Variants in ADGRE1 observed in about 807,000 individuals in gnomAD.
The protein encoded by ADGRE1 is adhesion G protein-coupled receptor E1.
ADGRE1 carries 82 observed loss-of-function variants against 102.7 expected under a neutral mutation model. That is an observed-to-expected ratio of 0.80 (90% CI 0.67 to 0.96). The LOEUF (loss-of-function observed/expected upper bound fraction) is 0.96, where lower values mean the gene tolerates loss of function less well. ADGRE1 is among the 40% of genes least tolerant of loss of function. The probability of loss-of-function intolerance (pLI) is 0.00; values close to 1 mark genes in which losing one functional copy is unlikely to be tolerated. For synonymous variants in ADGRE1, 398 were observed against 399.6 expected (o/e 1.00, Z 0.05); for missense variants, 1,032 against 1,085.3 (o/e 0.95, Z 0.69).
Position 6,919,607 on chromosome 19 carries a change from T to C in ADGRE1, c.1480T>C (p.Phe494Leu). Residue 494 changes from phenylalanine to leucine, a missense_variant, in exon 13 of 21, where the codon TTC (phenylalanine) becomes CTC (leucine). Transcript: ENST00000312053. ...CATGGAATCGGTTTTAAATGAGCGC[T>C]TCTTCAAAGACCACCAGGCTCCCTT... ...VGMESVLNER[F>L]FKDHQAPLTT... 1 of 1,613,580 alleles carries C rather than the reference T, an allele frequency of 6.2e-7. No individual in the cohort carries two copies. The highest frequency in any genetic ancestry group is 8.5e-7 in the Non-Finnish European group (1 of 1,179,930).
intron 17 of ADGRE1, among the ~76,000 whole-genome samples, chr19:6,934,201 T>C (rs1029911664): frequency 1.3e-5 from 2 of 152,114 alleles, no homozygotes; most frequent in African/African-American, 4.8e-5. Context: ...ATGGGCAAGC[T>C]GTAGGTGGCT....
intron 17 of ADGRE1, among the ~76,000 whole-genome samples, chr19:6,929,441 G>T (rs1301016923): frequency 6.6e-6 from 1 of 152,064 alleles, no homozygotes; most frequent in African/African-American, 2.4e-5. Flanking sequence ...ATGCAAATGG[G>T]GTCTTTACTT....
chr19:6,939,447 T>G (rs892565672), intron 20 of ADGRE1, among the ~76,000 whole-genome samples: 1 of 152,132 alleles, frequency 6.6e-6, no homozygotes, highest in African/African-American at 2.4e-5. Flanking sequence ...GAATTAGGTG[T>G]TGCGAATATT....
rs1472866369 is a variant in ADGRE1, at chr19:6,897,529, A to G, written c.496A>G (p.Arg166Gly). 1 of 1,576,596 alleles carries G rather than the reference A, an allele frequency of 6.3e-7. No homozygotes were observed. Among genetic ancestry groups the G allele is most frequent in the Non-Finnish European group, 8.6e-7 (1 of 1,166,590 alleles). ...CAGCTGTCAAGTTGGATTCATCTCT[A>G]GAAACTCCACCTGTGAAGGTATCCA... ...SCSCQVGFIS[R>G]NSTCEDVDEC... is the part of the protein sequence containing the mutation. Residue 166 changes from arginine (R) to glycine (G), a missense_variant, in exon 5 of 21, where the codon AGA (arginine) becomes GGA (glycine). Transcript: ENST00000312053.
chr19:6,931,991 A>G (rs919860200), intron 17 of ADGRE1, among the ~76,000 whole-genome samples: 1 of 152,174 alleles, frequency 6.6e-6, no homozygotes, highest in Non-Finnish European at 1.5e-5. Context: ...CATAAATTAG[A>G]CAGCAGTAAT....
chr19:6,904,662 C>T (rs370189635), intron 8 of ADGRE1, among the ~76,000 whole-genome samples: 14 of 152,032 alleles, frequency 9.2e-5, no homozygotes, highest in African/African-American at 3.1e-4. Context: ...CCCGCCACCA[C>T]GCCTGGCTAA....
intron 10 of ADGRE1, among the ~76,000 whole-genome samples, chr19:6,910,606 C>G (rs1408276428): frequency 7.9e-6 from 1 of 126,998 alleles, no homozygotes; most frequent in Non-Finnish European, 1.6e-5. Flanking sequence ...GAGTCTTGCT[C>G]TGTTGCCCAG....
chr19:6,938,258 A>G (rs1975513724), intron 20 of ADGRE1, among the ~76,000 whole-genome samples: 1 of 151,930 alleles, frequency 6.6e-6, no homozygotes, highest in African/African-American at 2.4e-5. Context: ...AATTGCTTGA[A>G]CCCAAGAGGC....
At chr19:6,903,630 A>G (rs1973847008) in intron 6 of ADGRE1, among the ~76,000 whole-genome samples, 180 bp from the exon 7 acceptor site, 1 of 152,170 alleles carries the variant, frequency 6.6e-6, no homozygotes, top group Admixed American at 6.5e-5. Context: ...CATGGCTCTC[A>G]TATTCCATGA....
Position 6,913,749 on chromosome 19 carries a change from G to A in ADGRE1, c.1219G>A (p.Glu407Lys). The change falls in exon 11 of 21, where the codon GAG becomes AAG. Residue 407 changes from glutamate to lysine, a missense_variant. Coordinates refer to ENST00000312053, the MANE Select transcript of ADGRE1 (RefSeq NM_001974.5). ...ETSSLATVFL[E>K]SVESMTLASF... ...GTCCTCCCTGGCCACAGTCTTCCTG[G>A]AGAGTGTGGAAAGCATGACACTGGC... 2 of 1,613,180 alleles carry A rather than the reference G, an allele frequency of 1.2e-6. No homozygotes were observed. The highest frequency in any genetic ancestry group is 1.7e-6 in the Non-Finnish European group (2 of 1,179,554).
intron 17 of ADGRE1, chr19:6,928,509 C>T (rs1975014166): frequency 2.1e-6 from 1 of 486,610 alleles, no homozygotes; most frequent in South Asian, 2.5e-5. Context: ...CACTTGTAAT[C>T]CCAGCTACTT....
chr19:6,912,138 A>G (rs1974224653), intron 10 of ADGRE1, among the ~76,000 whole-genome samples: 1 of 152,068 alleles, frequency 6.6e-6, no homozygotes, highest in Non-Finnish European at 1.5e-5. Context: ...ACATACATAC[A>G]TAGGCATACA....
intron 17 of ADGRE1, among the ~76,000 whole-genome samples, chr19:6,932,744 G>A (rs7250042): frequency 0.22 from 32,774 of 151,990 alleles, 3,783 homozygotes; most frequent in Non-Finnish European, 0.24. Flanking sequence ...CTGCCTGCTC[G>A]GCCCTCTGGC....
In ADGRE1 at chr19:6,913,827, TTAGG is replaced by T. The variant is rs1215739325; in HGVS notation, c.1300+2_1300+5del. The T allele has an allele frequency of 1.9e-6, 3 of 1,588,604 alleles. No individual in the cohort carries two copies. In the African/African-American group the frequency reaches 4.0e-5, roughly 21 times the overall value. On this transcript the variant is annotated splice_donor_variant and coding_sequence_variant, in exon 11 of 21. Coordinates refer to ENST00000312053, the MANE Select transcript of ADGRE1 (RefSeq NM_001974.5). LOFTEE classifies it high-confidence loss of function. ...CACTCCGGCTGTTCGGACGGAATAC[TTAGG>T]TAGGAGACACCCTTTGTGGCAAGGT...
rs889199868 is a variant in ADGRE1, at chr19:6,925,113, TTTTG to T, written c.1986+261_1986+264del. Among the ~76,000 whole-genome samples the T allele has an allele frequency of 3.1e-3, 476 of 152,142 alleles. 1 individual carries two copies. Among genetic ancestry groups the T allele is most frequent in the African/African-American group, 9.9e-3 (412 of 41,532 alleles). ...TATAGTGGTTCCTCCTATTACTTGT[TTTTG>T]TTTGTTTGTTTGTTTGTTTTTGATA... On this transcript the variant is annotated intron_variant, in intron 15 of 20. Coordinates refer to ENST00000312053, the MANE Select transcript of ADGRE1 (RefSeq NM_001974.5).
rs1246126943 is a variant in ADGRE1 at position 6,940,354 on chromosome 19, G to T, written c.*325G>T. On this transcript the variant is annotated 3_prime_UTR_variant, in exon 21 of 21. Transcript: ENST00000312053. Reference sequence around the variant, plus strand: ...TTTGTTTTCTCCTGCCCTTGTTGGTGCATGGTTCTAAGCATGCCCCTCCAG... The same window carrying T: ...TTTGTTTTCTCCTGCCCTTGTTGGTTCATGGTTCTAAGCATGCCCCTCCAG... 3 of 457,054 alleles carry T rather than the reference G, an allele frequency of 6.6e-6. No homozygotes were observed. Among genetic ancestry groups the T allele is most frequent in the African/African-American group, 2.0e-5 (1 of 50,704 alleles). The allele number at this position is 457,054 out of a possible 1,614,324, so 28.3% of individuals were successfully genotyped here. A position where few individuals can be genotyped will look rare whatever the true frequency, so the allele number is the denominator to read the frequency against.
intron 5 of ADGRE1, chr19:6,898,310 T>C (rs749576405): frequency 2.8e-5 from 45 of 1,597,540 alleles, no homozygotes; most frequent in Non-Finnish European, 3.7e-5. Flanking sequence ...TGTCTAGATA[T>C]TGATGAATGT....
At position 6,896,520 on chromosome 19, in the gene ADGRE1, G is replaced by C. The variant is rs767902336; in HGVS notation, c.217G>C (p.Asp73His). ...CAGCAATGGGCAAAATCACTTCAAG[G>C]ATCCAGGAGTGCGATGCAAAGGTGA... ...LSSNGQNHFKDPGVRCKDIDE... is the reference protein window; with the variant it reads ...LSSNGQNHFKHPGVRCKDIDE... Residue 73 changes from aspartate to histidine, a missense_variant, in exon 3 of 21, where the codon GAT becomes CAT. Asp to His is a moderately conservative substitution (Grantham distance 81). Transcript: ENST00000312053. 5 of 1,614,034 alleles carry C rather than the reference G, an allele frequency of 3.1e-6. No homozygotes were observed. Among genetic ancestry groups the C allele is most frequent in the East Asian group, 2.2e-5 (1 of 44,878 alleles).
At chr19:6,927,260 CCCTT>C (rs1181951076) in intron 16 of ADGRE1, among the ~76,000 whole-genome samples, 18 of 135,132 alleles carry the variant, frequency 1.3e-4, no homozygotes, top group Non-Finnish European at 2.6e-4. Context: ...CTCCCTCCCT[CCCTT>C]CCTTCCTTGC....
Sources: gnomAD v4.1 joint callset for allele counts (sites outside exome capture counted in the v4.1 genomes callset) on GRCh38, gnomAD v4.1.1 for gene constraint, MANE v1.5 for transcripts, NCBI Gene and HGNC (gene_info 2026-07-23, HGNC 2026-07-21) for gene names.